Variants in ACBD6 observed in about 807,000 individuals in gnomAD.
ACBD6 encodes the protein acyl-CoA binding domain containing 6, also known as acyl-CoA-binding domain-containing protein 6.
ACBD6 carries 28 observed loss-of-function variants against 37.2 expected under a neutral mutation model. That is an observed-to-expected ratio of 0.75 (90% CI 0.56 to 1.03). ACBD6 has a LOEUF of 1.03. ACBD6 is among the 50% of genes least tolerant of loss of function. ACBD6 has a pLI of 0.00. For synonymous variants in ACBD6, 113 were observed against 126.8 expected, an observed-to-expected ratio of 0.89 and a Z score of 0.73; for missense variants, 340 against 337.4, an observed-to-expected ratio of 1.01 and a Z score of -0.06.
chr1:180,462,040 A>C (rs1345298024), intron 3 of ACBD6, among the ~76,000 whole-genome samples: 19 of 152,190 alleles, frequency 1.2e-4, no homozygotes, highest in Non-Finnish European at 2.6e-4. Flanking sequence ...ATTTGAGACC[A>C]GCCTGGCCAA....
At chr1:180,459,283 A>G (rs922785229) in intron 3 of ACBD6, among the ~76,000 whole-genome samples, 2 of 152,182 alleles carry the variant, frequency 1.3e-5, no homozygotes, top group Admixed American at 6.5e-5. Context: ...CACTTTCTCC[A>G]TAATTATAAT....
At chr1:180,412,753 C>T (rs1647910840) in intron 5 of ACBD6, among the ~76,000 whole-genome samples, 1 of 152,118 alleles carries the variant, frequency 6.6e-6, no homozygotes, top group South Asian at 2.1e-4. Flanking sequence ...GTAGTCCTGG[C>T]TACTTGGGAG....
chr1:180,303,614 A>G (rs1330131801), intron 7 of ACBD6, among the ~76,000 whole-genome samples: 3 of 150,854 alleles, frequency 2.0e-5, no homozygotes, highest in Non-Finnish European at 3.0e-5. Flanking sequence ...GCAAAAATTA[A>G]TAGCTCACCA....
At chr1:180,493,000 G>A (rs1340984673) in intron 2 of ACBD6, among the ~76,000 whole-genome samples, 1 of 152,004 alleles carries the variant, frequency 6.6e-6, no homozygotes, top group Non-Finnish European at 1.5e-5. Context: ...TGTAATCCCA[G>A]CACTTTGGGA....
At chr1:180,444,327 G>GA (rs928731772) in intron 3 of ACBD6, among the ~76,000 whole-genome samples, 25 of 147,598 alleles carry the variant, frequency 1.7e-4, no homozygotes, top group Non-Finnish European at 3.0e-4. Flanking sequence ...AAAATCTTTA[G>GA]AAAAAAAACT....
chr1:180,457,794 T>C (rs57283782), intron 3 of ACBD6, among the ~76,000 whole-genome samples: 23,778 of 113,852 alleles, frequency 0.21, 1,916 homozygotes, highest in Middle Eastern at 0.25. Flanking sequence ...AAATTAACTG[T>C]TTTTTTTTTT....
chr1:180,270,218 A>C (rs533674835), exon 14 of ACBD6: 1 of 152,368 alleles, frequency 6.6e-6, no homozygotes, highest in African/African-American at 2.4e-5. Context: ...GTCCTTAGTC[A>C]ACACCAGCAC....
chr1:180,335,010 G>A (rs548563790), intron 6 of ACBD6, among the ~76,000 whole-genome samples: 100 of 152,280 alleles, frequency 6.6e-4, no homozygotes, highest in African/African-American at 2.3e-3. Context: ...ATGGGACTAC[G>A]TGAAAAGACC....
intron 6 of ACBD6, among the ~76,000 whole-genome samples, chr1:180,355,405 T>A (rs1198968033): frequency 6.6e-6 from 1 of 152,226 alleles, no homozygotes; most frequent in Non-Finnish European, 1.5e-5. Context: ...TTACCATTCT[T>A]TTGGGAAAAC....
intron 6 of ACBD6, among the ~76,000 whole-genome samples, chr1:180,371,017 C>T (rs1198782354): frequency 2.6e-5 from 4 of 151,832 alleles, no homozygotes; most frequent in African/African-American, 9.7e-5. Context: ...CTCTAAAATG[C>T]CTTAATTTTT....
chr1:180,421,097 C>A (rs568573432), intron 4 of ACBD6, among the ~76,000 whole-genome samples: 1 of 152,216 alleles, frequency 6.6e-6, no homozygotes, highest in South Asian at 2.1e-4. Context: ...TGGTTTGCTG[C>A]ACAGACTGTC....
intron 3 of ACBD6, among the ~76,000 whole-genome samples, chr1:180,474,829 C>T (rs1324757256): frequency 6.6e-6 from 1 of 152,184 alleles, no homozygotes; most frequent in Non-Finnish European, 1.5e-5. Flanking sequence ...GATTTCAAAT[C>T]CAAATCAACA....
intron 3 of ACBD6, among the ~76,000 whole-genome samples, chr1:180,452,340 C>T (rs920380408): frequency 1.7e-4 from 26 of 151,900 alleles, no homozygotes; most frequent in Non-Finnish European, 2.4e-4. Context: ...CATGGTGGCA[C>T]GTGCCAGTAG....
At chr1:180,381,336 T>C (rs935458269) in intron 6 of ACBD6, among the ~76,000 whole-genome samples, 13 of 152,298 alleles carry the variant, frequency 8.5e-5, no homozygotes, top group African/African-American at 2.9e-4. Flanking sequence ...AAAGAAATAC[T>C]GGATTTAAAC....
intron 6 of ACBD6, among the ~76,000 whole-genome samples, chr1:180,327,199 C>T (rs922564181): frequency 7.2e-5 from 11 of 152,190 alleles, no homozygotes; most frequent in Admixed American, 1.3e-4. Flanking sequence ...TCCTATCACT[C>T]GGATGGACGA....
At chr1:180,358,576 A>C (rs753371767) in intron 6 of ACBD6, among the ~76,000 whole-genome samples, 1 of 152,020 alleles carries the variant, frequency 6.6e-6, no homozygotes, top group Non-Finnish European at 1.5e-5. Context: ...CCCAAAAGAA[A>C]AACAATTTTA....
At position 180,288,417 on chromosome 1, in the gene ACBD6, T is replaced by A; in HGVS notation, c.795A>T (p.Thr265=). The change falls in exon 8 of 8, where the codon ACA becomes ACT. Residue 265 remains threonine (T), a synonymous_variant. Coordinates refer to ENST00000367595, the MANE Select transcript of ACBD6 (RefSeq NM_032360.4). ...GCACCAAAGAAACTGTTTTGCAGCC[T>A]GTCACCTCCTCTGGCAGGCAGCCAT... is the stretch of plus-strand genomic sequence containing the variant. ...DQDGCLPEEV[T]GCKTVSLVLQ... 6.2e-7 allele frequency: 1 copy of A among 1,613,790 alleles called. No individual in the cohort carries two copies. Among genetic ancestry groups the A allele is most frequent in the Non-Finnish European group, 8.5e-7 (1 of 1,180,004 alleles).
chr1:180,393,006 C>G (rs1050640344), intron 6 of ACBD6, among the ~76,000 whole-genome samples: 11 of 152,138 alleles, frequency 7.2e-5, no homozygotes, highest in African/African-American at 2.7e-4. Context: ...ATTCAAATAC[C>G]TTTTAATGTG....
intron 7 of ACBD6, among the ~76,000 whole-genome samples, chr1:180,293,980 C>T (rs776807766): frequency 3.5e-4 from 53 of 152,046 alleles, no homozygotes; most frequent in Middle Eastern, 3.4e-3. Flanking sequence ...GTGAAATCTC[C>T]GCCTCCCGGG....
Sources: allele counts gnomAD v4.1 joint callset (sites outside exome capture counted in the v4.1 genomes callset), GRCh38; gene constraint gnomAD v4.1.1; transcripts MANE v1.5; gene names NCBI Gene and HGNC (gene_info 2026-07-23, HGNC 2026-07-21).